Variants in NRXN1 observed in about 807,000 individuals in gnomAD.
The protein encoded by NRXN1 is neurexin 1.
A neutral mutation model predicts 150.9 loss-of-function variants in NRXN1; 39 were observed. The observed-to-expected ratio is 0.26, with a 90% CI of 0.20 to 0.34. The LOEUF (loss-of-function observed/expected upper bound fraction) is 0.34, where lower values mean the gene tolerates loss of function less well. Among genes scored for constraint, NRXN1 ranks in the 10% least tolerant of loss-of-function variants. NRXN1 has a pLI of 1.00. For synonymous variants in NRXN1, 924 were observed against 757.0 expected, an observed-to-expected ratio of 1.22 and a Z score of -3.62; for missense variants, 1,815 against 1,949.9, an observed-to-expected ratio of 0.93 and a Z score of 1.30.
intron 5 of NRXN1, among the ~76,000 whole-genome samples, chr2:50,738,370 A>T: frequency 6.6e-6 from 1 of 152,134 alleles, no homozygotes; most frequent in Non-Finnish European, 1.5e-5. Context: ...TAAAAAGCAA[A>T]TTTCTATTTC....
At chr2:50,886,737 G>T (rs1680308509) in intron 5 of NRXN1, among the ~76,000 whole-genome samples, 1 of 151,314 alleles carries the variant, frequency 6.6e-6, no homozygotes, top group Non-Finnish European at 1.5e-5. Flanking sequence ...GAGATTATTT[G>T]CTCATATACT....
intron 2 of NRXN1, among the ~76,000 whole-genome samples, chr2:51,015,438 A>T (rs1167464348): frequency 6.6e-6 from 1 of 152,020 alleles, no homozygotes; most frequent in Non-Finnish European, 1.5e-5. Flanking sequence ...GATTTTGTCC[A>T]GGATGGATAA....
In NRXN1 at chr2:50,251,217, C is replaced by A. The variant is rs185947300; in HGVS notation, c.3365-14247G>T. ...CCCTGACAGGCACCACTGTGGTGAG[C>A]TCCCCTTCCTGTGTCCATGTGTTCT... On this transcript the variant is annotated intron_variant, in intron 17 of 22. Transcript: ENST00000401669. Among the ~76,000 whole-genome samples, 43 of 152,044 alleles carry A rather than the reference C, an allele frequency of 2.8e-4. 1 individual carries two copies. Among genetic ancestry groups the A allele is most frequent in the African/African-American group, 1.0e-3 (42 of 41,510 alleles).
Position 51,004,395 on chromosome 2 carries a change from T to C in NRXN1, c.772+23107A>G, listed in dbSNP as rs115137687. 3.5e-3 allele frequency among the ~76,000 whole-genome samples: 532 copies of C among 152,160 alleles called. 2 individuals are homozygous for C. The highest frequency in any genetic ancestry group is 0.012 in the African/African-American group (513 of 41,560). ...CCCTTATTTCTCCCTTTTGACAATATTTTGTTTGGATAAGTCATCAGCCTA... is the reference window on the plus strand; with the variant it reads ...CCCTTATTTCTCCCTTTTGACAATACTTTGTTTGGATAAGTCATCAGCCTA... On this transcript the variant is annotated intron_variant, in intron 2 of 22. Coordinates refer to ENST00000401669, the MANE Select transcript of NRXN1 (RefSeq NM_001330078.2).
chr2:51,002,479 C>T (rs1370756027), intron 2 of NRXN1, among the ~76,000 whole-genome samples: 2 of 151,876 alleles, frequency 1.3e-5, no homozygotes, highest in African/African-American at 2.4e-5. Flanking sequence ...AAACACAAAA[C>T]GATTCATATA....
At chr2:50,045,250 T>C (rs1191695129) in intron 21 of NRXN1, among the ~76,000 whole-genome samples, 3 of 152,302 alleles carry the variant, frequency 2.0e-5, no homozygotes, top group East Asian at 1.9e-4. Context: ...AAAACTAATA[T>C]TGACTTAGTT....
At chr2:50,261,243 C>T (rs886833000) in intron 17 of NRXN1, among the ~76,000 whole-genome samples, 1 of 151,678 alleles carries the variant, frequency 6.6e-6, no homozygotes, top group Non-Finnish European at 1.5e-5. Context: ...TTACCCTAGG[C>T]CAAATTTGAC....
chr2:50,326,822 A>C (rs2076415859), intron 17 of NRXN1, among the ~76,000 whole-genome samples: 1 of 152,196 alleles, frequency 6.6e-6, no homozygotes. Context: ...CCTATGGTGC[A>C]ATTTACTGTG....
chr2:49,993,614 T>C (rs1682402825), intron 21 of NRXN1, among the ~76,000 whole-genome samples: 1 of 152,138 alleles, frequency 6.6e-6, no homozygotes, highest in Admixed American at 6.5e-5. Context: ...TGGAGGGTGT[T>C]GATAATGAGG....
intron 12 of NRXN1, among the ~76,000 whole-genome samples, chr2:50,507,958 T>C (rs1286786381): frequency 6.6e-6 from 1 of 151,072 alleles, no homozygotes; most frequent in Non-Finnish European, 1.5e-5. Context: ...CGGGAGGATA[T>C]ATGAGAAAGT....
chr2:50,206,228 T>TACACACACAC (rs66795755), intron 18 of NRXN1, among the ~76,000 whole-genome samples: 1 of 106,292 alleles, frequency 9.4e-6, no homozygotes, highest in Non-Finnish European at 2.4e-5. Context: ...TACACACAAA[T>TACACACACAC]ACACACACAC....
chr2:50,419,329 C>G (rs1387222341), intron 17 of NRXN1, among the ~76,000 whole-genome samples: 1 of 152,058 alleles, frequency 6.6e-6, no homozygotes, highest in Non-Finnish European at 1.5e-5. Context: ...TTCTTAGACA[C>G]AGCATGTGAC....
chr2:50,548,628 G>C (rs1183296985), intron 9 of NRXN1, among the ~76,000 whole-genome samples: 1 of 151,274 alleles, frequency 6.6e-6, no homozygotes, highest in Admixed American at 6.6e-5. Context: ...AATATATACT[G>C]AACAACTGCT....
At chr2:50,570,545 T>TA (rs374901970) in intron 8 of NRXN1, among the ~76,000 whole-genome samples, 1 of 152,276 alleles carries the variant, frequency 6.6e-6, no homozygotes, top group African/African-American at 2.4e-5. Flanking sequence ...TTATTCAAGT[T>TA]AGCACTTTGT....
At chr2:50,420,973 T>TCAAAATA in intron 17 of NRXN1, among the ~76,000 whole-genome samples, 1 of 87,326 alleles carries the variant, frequency 1.1e-5, no homozygotes, top group Non-Finnish European at 2.0e-5. Flanking sequence ...TGTGTGTGTG[T>TCAAAATA]GTGTGTGTGT....
intron 17 of NRXN1, among the ~76,000 whole-genome samples, chr2:50,358,514 C>A (rs2078976963): frequency 6.6e-6 from 1 of 152,194 alleles, no homozygotes; most frequent in African/African-American, 2.4e-5. Flanking sequence ...GCCGCTATAG[C>A]CAGACTGCCT....
At chr2:49,999,775 C>G (rs1319394587) in intron 21 of NRXN1, among the ~76,000 whole-genome samples, 3 of 152,148 alleles carry the variant, frequency 2.0e-5, no homozygotes, top group Non-Finnish European at 4.4e-5. Context: ...AAACATATAT[C>G]ATCTTCATAT....
At chr2:50,928,919 C>G (rs971813839) in intron 2 of NRXN1, among the ~76,000 whole-genome samples, 1 of 152,014 alleles carries the variant, frequency 6.6e-6, no homozygotes, top group African/African-American at 2.4e-5. Flanking sequence ...AGATCACACT[C>G]TTGCTTTCTT....
intron 17 of NRXN1, among the ~76,000 whole-genome samples, chr2:50,376,653 A>T (rs1309305824): frequency 6.6e-6 from 1 of 152,204 alleles, no homozygotes; most frequent in Non-Finnish European, 1.5e-5. Context: ...CAAGGGAAAC[A>T]TTAATAAAAA....
Sources: allele counts gnomAD v4.1 joint callset (sites outside exome capture counted in the v4.1 genomes callset), GRCh38; gene constraint gnomAD v4.1.1; transcripts MANE v1.5; gene names NCBI Gene and HGNC (gene_info 2026-07-23, HGNC 2026-07-21).